The following ZNF385B variants were observed in gnomAD, a reference collection of about 807,000 sequenced individuals.
ZNF385B encodes zinc finger protein 533.
Under a neutral mutation model 39.2 loss-of-function variants are expected in ZNF385B, and 23 were observed. The ratio of observed to expected loss-of-function variants is 0.59; its 90% confidence interval spans 0.42 to 0.83. The LOEUF (loss-of-function observed/expected upper bound fraction) is 0.83, where lower values mean the gene tolerates loss of function less well. ZNF385B is among the 40% of genes least tolerant of loss of function. The probability of loss-of-function intolerance (pLI) is 0.00; values close to 1 mark genes in which losing one functional copy is unlikely to be tolerated. For synonymous variants in ZNF385B, 205 were observed against 222.6 expected (o/e 0.92, Z 0.70); for missense variants, 552 against 598.9 (o/e 0.92, Z 0.82).
intron 1 of ZNF385B, among the ~76,000 whole-genome samples, chr2:179,806,433 G>A (rs1348261787): frequency 6.6e-6 from 1 of 152,134 alleles, no homozygotes; most frequent in Non-Finnish European, 1.5e-5. Flanking sequence ...AGTTGGTGAG[G>A]CATGGAGGTC....
At chr2:179,509,557 C>A (rs2057509688) in intron 5 of ZNF385B, among the ~76,000 whole-genome samples, 1 of 152,164 alleles carries the variant, frequency 6.6e-6, no homozygotes, top group Non-Finnish European at 1.5e-5. Flanking sequence ...ATTACCTTCC[C>A]AAGTTCCTGA....
intron 3 of ZNF385B, among the ~76,000 whole-genome samples, chr2:179,639,611 A>C (rs1010691962): frequency 2.2e-4 from 34 of 152,292 alleles, no homozygotes; most frequent in African/African-American, 7.2e-4. Context: ...CCATAAGTAC[A>C]CAGTGATTCT....
chr2:179,763,525 T>C (rs62180383), intron 3 of ZNF385B, among the ~76,000 whole-genome samples: 7,412 of 152,268 alleles, frequency 0.049, 257 homozygotes, highest in Middle Eastern at 0.099. Context: ...TCTTTATTAC[T>C]TTCTTCCTTC....
chr2:179,458,837 G>T (rs1337770732), intron 6 of ZNF385B, among the ~76,000 whole-genome samples: 1 of 152,144 alleles, frequency 6.6e-6, no homozygotes, highest in Non-Finnish European at 1.5e-5. Flanking sequence ...TATAGCTTAA[G>T]ATTGTATTTA....
At chr2:179,499,708 C>T (rs1158245446) in intron 5 of ZNF385B, among the ~76,000 whole-genome samples, 3 of 152,052 alleles carry the variant, frequency 2.0e-5, no homozygotes, top group East Asian at 3.9e-4. Flanking sequence ...AAACTTAAAA[C>T]CTTTCCTCTA....
intron 3 of ZNF385B, among the ~76,000 whole-genome samples, chr2:179,671,272 C>T (rs1444589826): frequency 6.6e-6 from 1 of 152,176 alleles, no homozygotes; most frequent in Admixed American, 6.5e-5. Flanking sequence ...TGATTTCCAG[C>T]TCAGCTCAAA....
chr2:179,445,068 C>T, intron 8 of ZNF385B, 91 bp from the exon 9 acceptor site: 2 of 1,076,832 alleles, frequency 1.9e-6, no homozygotes, highest in Admixed American at 3.4e-5. Context: ...CCATTGCCAA[C>T]TCTAGGTCCA....
intron 3 of ZNF385B, among the ~76,000 whole-genome samples, chr2:179,694,201 C>G (rs1002257730): frequency 6.6e-6 from 1 of 152,082 alleles, no homozygotes; most frequent in African/African-American, 2.4e-5. Context: ...CAATTCATAG[C>G]CATGTAGATT....
chr2:179,854,553 A>G (rs911983522), intron 1 of ZNF385B, among the ~76,000 whole-genome samples: 2 of 152,178 alleles, frequency 1.3e-5, no homozygotes, highest in Non-Finnish European at 2.9e-5. Context: ...AGGAATTTGA[A>G]GCTGAGCCCT....
At chr2:179,639,406 C>G (rs1348660753) in intron 3 of ZNF385B, among the ~76,000 whole-genome samples, 1 of 151,902 alleles carries the variant, frequency 6.6e-6, no homozygotes, top group Non-Finnish European at 1.5e-5. Flanking sequence ...AAGGAGTAGA[C>G]TGTAAATCTT....
At position 179,444,990 on chromosome 2, in the gene ZNF385B, G is replaced by T; in HGVS notation, c.1141-13C>A. ...GGCTAGAAATGTGCTGAAAAAGTTT[G>T]ATGCATTAGCTGGACTGAAATGTGA... On this transcript the variant is annotated splice_polypyrimidine_tract_variant and intron_variant, in intron 8 of 9. Coordinates refer to ENST00000410066, the MANE Select transcript of ZNF385B (RefSeq NM_152520.6). The T allele has an allele frequency of 6.2e-7, 1 of 1,609,570 alleles. No homozygotes were observed. The highest frequency in any genetic ancestry group is 1.1e-5 in the South Asian group (1 of 90,936).
chr2:179,752,336 G>T (rs1301405677), intron 3 of ZNF385B, among the ~76,000 whole-genome samples: 4 of 152,130 alleles, frequency 2.6e-5, no homozygotes, highest in Admixed American at 1.3e-4. Context: ...GTCTATCATT[G>T]ATGGACATTT....
chr2:179,613,134 T>C (rs1055089208), intron 3 of ZNF385B, among the ~76,000 whole-genome samples: 34 of 152,168 alleles, frequency 2.2e-4, no homozygotes, highest in Non-Finnish European at 7.4e-5. Flanking sequence ...TTCTGGGCAA[T>C]GGGCTCCCCT....
At chr2:179,834,558 A>C (rs1708148832) in intron 1 of ZNF385B, among the ~76,000 whole-genome samples, 1 of 152,194 alleles carries the variant, frequency 6.6e-6, no homozygotes, top group Non-Finnish European at 1.5e-5. Flanking sequence ...GTTTTTCTTC[A>C]CAAAGGGAAG....
intron 1 of ZNF385B, among the ~76,000 whole-genome samples, chr2:179,847,726 T>C (rs1487054504): frequency 6.6e-6 from 1 of 152,176 alleles, no homozygotes; most frequent in East Asian, 1.9e-4. Flanking sequence ...CATGGATGGA[T>C]GCTGTGGAAG....
intron 3 of ZNF385B, among the ~76,000 whole-genome samples, chr2:179,653,855 C>T (rs1693454025): frequency 6.6e-6 from 1 of 152,050 alleles, no homozygotes; most frequent in African/African-American, 2.4e-5. Context: ...CTTCCCCACA[C>T]TAGCCAAGGC....
rs542160143 is a variant in ZNF385B at position 179,681,420 on chromosome 2, A to G, written c.298+88083T>C. 1.5e-3 allele frequency among the ~76,000 whole-genome samples: 231 copies of G among 152,306 alleles called. 2 individuals are homozygous for G. The highest frequency in any genetic ancestry group is 2.7e-3 in the Admixed American group (41 of 15,298). On this transcript the variant is annotated intron_variant, in intron 3 of 9. Coordinates refer to ENST00000410066, the MANE Select transcript of ZNF385B (RefSeq NM_152520.6). The stretch of plus-strand genomic sequence containing the variant: ...TAGTTCATTTTTCTAGTCTTAGGGC[A>G]AGAAAGAATTGTTAATTTCCTTAAT...
intron 1 of ZNF385B, among the ~76,000 whole-genome samples, chr2:179,786,982 C>T (rs1054215085): frequency 2.0e-5 from 3 of 152,070 alleles, no homozygotes; most frequent in Non-Finnish European, 2.9e-5. Flanking sequence ...TATTTTCAAA[C>T]GCACTTATTT....
intron 5 of ZNF385B, among the ~76,000 whole-genome samples, chr2:179,487,979 A>C (rs1011205706): frequency 6.6e-6 from 1 of 152,230 alleles, no homozygotes; most frequent in Non-Finnish European, 1.5e-5. Flanking sequence ...CTTTGTTGCT[A>C]AAGCTCTTCA....
Sources: gnomAD v4.1 joint callset for allele counts (sites outside exome capture counted in the v4.1 genomes callset) on GRCh38, gnomAD v4.1.1 for gene constraint, MANE v1.5 for transcripts, NCBI Gene and HGNC (gene_info 2026-07-23, HGNC 2026-07-21) for gene names.